The following TOX variants were observed in gnomAD, a reference collection of about 807,000 sequenced individuals.
TOX encodes thymocyte selection-associated high mobility group box protein TOX.
Under a neutral mutation model 53.7 loss-of-function variants are expected in TOX, and 11 were observed. The ratio of observed to expected loss-of-function variants is 0.20; its 90% CI spans 0.13 to 0.34. The LOEUF is 0.34. Ranked by LOEUF, TOX falls within the 10% of genes least tolerant of loss-of-function variation. TOX has a pLI of 1.00. For missense variants in TOX, 570 were observed against 664.6 expected (o/e 0.86, Z 1.56); for synonymous variants, 225 against 245.3 (o/e 0.92, Z 0.77).
intron 1 of TOX, among the ~76,000 whole-genome samples, chr8:59,110,949 C>A (rs1040289893): frequency 6.6e-6 from 1 of 152,120 alleles, no homozygotes; most frequent in African/African-American, 2.4e-5. Context: ...TTGCTGAATT[C>A]TTTGAATTTT....
chr8:59,010,898 G>C (rs1206580198), intron 1 of TOX, among the ~76,000 whole-genome samples: 1 of 152,176 alleles, frequency 6.6e-6, no homozygotes, highest in African/African-American at 2.4e-5. Flanking sequence ...ATATGGCTCA[G>C]GTTGCCCGGT....
At chr8:58,932,119 C>T (rs980448432) in intron 3 of TOX, among the ~76,000 whole-genome samples, 1 of 151,970 alleles carries the variant, frequency 6.6e-6, no homozygotes, top group Non-Finnish European at 1.5e-5. Context: ...TATTCTTGGC[C>T]TTATTAAGAA....
intron 1 of TOX, among the ~76,000 whole-genome samples, chr8:59,096,426 G>T (rs1434003440): frequency 6.6e-6 from 1 of 152,152 alleles, no homozygotes; most frequent in African/African-American, 2.4e-5. Flanking sequence ...AATTGGAAAT[G>T]AATTCCTCTC....
At chr8:59,035,896 A>C (rs1408076526) in intron 1 of TOX, among the ~76,000 whole-genome samples, 1 of 152,234 alleles carries the variant, frequency 6.6e-6, no homozygotes, top group Non-Finnish European at 1.5e-5. Flanking sequence ...ATGTGAACTC[A>C]TTTAAGCTAT....
intron 1 of TOX, among the ~76,000 whole-genome samples, chr8:59,069,356 T>C (rs1804152363): frequency 6.6e-6 from 1 of 152,086 alleles, no homozygotes; most frequent in Admixed American, 6.6e-5. Context: ...GAGATTACAG[T>C]AGGAAAACAA....
chr8:59,053,188 A>G (rs1283694489), intron 1 of TOX, among the ~76,000 whole-genome samples: 4 of 152,244 alleles, frequency 2.6e-5, no homozygotes, highest in Non-Finnish European at 5.9e-5. Flanking sequence ...CTCACTGACT[A>G]AGCCATTCGG....
intron 1 of TOX, among the ~76,000 whole-genome samples, chr8:58,964,562 T>C (rs1812859005): frequency 6.6e-6 from 1 of 152,208 alleles, no homozygotes; most frequent in East Asian, 1.9e-4. Context: ...CATGGGCTTG[T>C]GGACAATTGT....
chr8:59,042,862 T>C (rs1262184897), intron 1 of TOX, among the ~76,000 whole-genome samples: 1 of 152,212 alleles, frequency 6.6e-6, no homozygotes, highest in Non-Finnish European at 1.5e-5. Flanking sequence ...TGGGGTACAA[T>C]GTGATGTTAT....
chr8:58,877,861 A>T lies in TOX; in HGVS notation c.412-26056T>A, dbSNP rs1011025189. On this transcript the variant is annotated intron_variant, in intron 3 of 8. Transcript: ENST00000361421. ...TATTTGGAGAAAGCCTACATATTAA[A>T]AAAAAAAAAAGCCTCAGGAAAACTT... is the stretch of plus-strand genomic sequence containing the variant. Among the ~76,000 whole-genome samples the T allele has an allele frequency of 2.6e-3, 299 of 114,264 alleles. 1 individual carries two copies. Among genetic ancestry groups the T allele is most frequent in the African/African-American group, 7.6e-3 (236 of 30,922 alleles). 75.0% of individuals were successfully genotyped at this position (114,264 alleles called of 152,430 possible). A position where few individuals can be genotyped will look rare whatever the true frequency, so the allele number is the denominator to read the frequency against.
intron 1 of TOX, among the ~76,000 whole-genome samples, chr8:59,070,372 A>G (rs1804173495): frequency 6.6e-6 from 1 of 152,054 alleles, no homozygotes; most frequent in South Asian, 2.1e-4. Context: ...ATACCTGGGA[A>G]CATGCAAACC....
chr8:58,826,966 AAT>A, intron 5 of TOX, 64 bp from the exon 6 acceptor site: 3 of 1,326,126 alleles, frequency 2.3e-6, no homozygotes, highest in Non-Finnish European at 3.2e-6. Flanking sequence ...AGAGAAGTAC[AAT>A]ATAGAATGAT....
chr8:58,837,501 A>G (rs1202657515), intron 5 of TOX, among the ~76,000 whole-genome samples: 1 of 152,134 alleles, frequency 6.6e-6, no homozygotes, highest in Non-Finnish European at 1.5e-5. Context: ...GCCTTCCCTG[A>G]GCATGGTCCT....
chr8:58,828,970 C>A, intron 5 of TOX, among the ~76,000 whole-genome samples: 1 of 152,218 alleles, frequency 6.6e-6, no homozygotes, highest in Non-Finnish European at 1.5e-5. Context: ...TATTAATATG[C>A]TACTCCAAGT....
At chr8:58,898,393 T>A (rs1236157964) in intron 3 of TOX, among the ~76,000 whole-genome samples, 5 of 152,254 alleles carry the variant, frequency 3.3e-5, no homozygotes, top group Admixed American at 6.5e-5. Flanking sequence ...TTAGTCCCAA[T>A]AGGTTATAAT....
rs1423334529 is a variant in TOX at position 58,915,644 on chromosome 8, C to T, written c.411+23658G>A. On this transcript the variant is annotated intron_variant, in intron 3 of 8. Transcript: ENST00000361421. ...ACTGGAAACTCTAAAACGCAGAGCGCCTCTCCTCCTCCAAAGGAACGCAGT... is the reference window on the plus strand; with the variant it reads ...ACTGGAAACTCTAAAACGCAGAGCGTCTCTCCTCCTCCAAAGGAACGCAGT... Among the ~76,000 whole-genome samples the T allele has an allele frequency of 2.3e-4, 34 of 147,666 alleles. No individual in the cohort carries two copies. The South Asian group carries it at 4.8e-3, about 21-fold the overall frequency.
intron 3 of TOX, among the ~76,000 whole-genome samples, chr8:58,929,449 T>C (rs1446953438): frequency 2.6e-5 from 4 of 152,052 alleles, no homozygotes; most frequent in Non-Finnish European, 4.4e-5. Context: ...AGGTAATGCT[T>C]GTCCACGTAA....
intron 1 of TOX, among the ~76,000 whole-genome samples, chr8:59,109,774 TG>T (rs1804979162): frequency 6.6e-6 from 1 of 152,184 alleles, no homozygotes. Flanking sequence ...CATTATTGGC[TG>T]GTAATCGCCG....
intron 4 of TOX, among the ~76,000 whole-genome samples, chr8:58,838,699 C>CTTTTTTTTGTTTTTTTTTTTTTTTTTTTT (rs1810590954): frequency 1.1e-5 from 1 of 88,912 alleles, no homozygotes; most frequent in African/African-American, 6.0e-5. Context: ...TTATCCTTGT[C>CTTTTTTTTGTTTTTTTTTTTTTTTTTTTT]TTTTTTTTTT....
At chr8:58,849,186 T>C (rs1000761823) in intron 4 of TOX, among the ~76,000 whole-genome samples, 22 of 152,224 alleles carry the variant, frequency 1.4e-4, no homozygotes, top group African/African-American at 4.8e-4. Flanking sequence ...GGAGACAAGG[T>C]GAAAAACAGT....
Sources: allele counts gnomAD v4.1 joint callset (sites outside exome capture counted in the v4.1 genomes callset), GRCh38; gene constraint gnomAD v4.1.1; transcripts MANE v1.5; gene names NCBI Gene and HGNC (gene_info 2026-07-23, HGNC 2026-07-21).